ERC2: variants seen among roughly 807,000 people sequenced by gnomAD.
The protein encoded by ERC2 is ELKS/RAB6-interacting/CAST family member 2.
In ERC2, 42 loss-of-function variants were observed where a neutral mutation model predicts 114.8. That is an observed-to-expected ratio of 0.37 (90% CI 0.29 to 0.47). The LOEUF is 0.47. Among genes scored for constraint, ERC2 ranks in the 20% least tolerant of loss-of-function variants. ERC2 has a pLI of 0.99. For synonymous variants in ERC2, 454 were observed against 425.5 expected, an observed-to-expected ratio of 1.07 and a Z score of -0.82; for missense variants, 939 against 1,150.7, an observed-to-expected ratio of 0.82 and a Z score of 2.66.
chr3:56,456,733 T>C (rs1020678566), intron 1 of ERC2, among the ~76,000 whole-genome samples: 11 of 152,318 alleles, frequency 7.2e-5, no homozygotes, highest in Admixed American at 2.0e-4. Context: ...CAGTTTTCCA[T>C]TTTCCACTTA....
At chr3:56,132,439 G>A (rs73078470) in intron 6 of ERC2, among the ~76,000 whole-genome samples, 4,602 of 152,210 alleles carry the variant, frequency 0.03, 148 homozygotes, top group African/African-American at 0.077. Flanking sequence ...GCTGCCACGG[G>A]CTCAGAAAAC....
intron 17 of ERC2, among the ~76,000 whole-genome samples, chr3:55,604,359 T>G (rs974720112): frequency 1.4e-4 from 22 of 152,182 alleles, no homozygotes; most frequent in Admixed American, 7.9e-4. Context: ...TCTATATATA[T>G]AAATATCAAT....
At chr3:55,656,736 G>A (rs1428922923) in intron 17 of ERC2, among the ~76,000 whole-genome samples, 1 of 152,198 alleles carries the variant, frequency 6.6e-6, no homozygotes, top group South Asian at 2.1e-4. Flanking sequence ...GTTAGACTCC[G>A]AAGGCCAGCT....
chr3:56,092,608 T>C (rs937994982), intron 6 of ERC2, among the ~76,000 whole-genome samples: 6 of 152,204 alleles, frequency 3.9e-5, no homozygotes, highest in Admixed American at 6.5e-5. Flanking sequence ...TATAAAACTA[T>C]AGCTGTCATA....
intron 14 of ERC2, among the ~76,000 whole-genome samples, chr3:55,753,157 T>C (rs1329885154): frequency 6.6e-6 from 1 of 152,014 alleles, no homozygotes; most frequent in Non-Finnish European, 1.5e-5. Flanking sequence ...ACATGGTTGC[T>C]CCTGGATGGG....
chr3:56,348,948 GA>G (rs370441383), intron 2 of ERC2, among the ~76,000 whole-genome samples: 17 of 137,082 alleles, frequency 1.2e-4, no homozygotes, highest in African/African-American at 5.0e-4. Context: ...AGGAAGGAAG[GA>G]AGGAAGGAAA....
intron 14 of ERC2, among the ~76,000 whole-genome samples, chr3:55,746,779 C>T (rs1317038424): frequency 3.3e-5 from 5 of 152,144 alleles, no homozygotes; most frequent in Non-Finnish European, 5.9e-5. Context: ...AACAGATTCC[C>T]ATCTGTTTAT....
chr3:56,446,766 C>T lies in ERC2; in HGVS notation c.-140-11619G>A, dbSNP rs144830386. ...TCAGCCTCCCGAGTAGCTGGGATTA[C>T]AGGCGCGCATCACCACACCCGGCTA... On this transcript the variant is annotated intron_variant, in intron 1 of 17. Coordinates refer to ENST00000288221, the MANE Select transcript of ERC2 (RefSeq NM_015576.3). Among the ~76,000 whole-genome samples, 264 of 151,682 alleles carry T rather than the reference C, an allele frequency of 1.7e-3. 1 individual carries two copies. Among genetic ancestry groups the T allele is most frequent in the African/African-American group, 6.1e-3 (251 of 41,366 alleles).
intron 6 of ERC2, among the ~76,000 whole-genome samples, chr3:56,106,845 C>G (rs549442875): frequency 2.6e-5 from 4 of 152,048 alleles, no homozygotes; most frequent in Non-Finnish European, 5.9e-5. Flanking sequence ...TATGTGATTC[C>G]TTGGGATAAT....
intron 16 of ERC2, among the ~76,000 whole-genome samples, chr3:55,698,483 C>G (rs2063051504): frequency 6.6e-6 from 1 of 152,152 alleles, no homozygotes; most frequent in African/African-American, 2.4e-5. Flanking sequence ...AACAATTAAA[C>G]TGCCTCTTCA....
At chr3:56,222,893 TTCAGGCAATGCC>T (rs2050008833) in intron 3 of ERC2, among the ~76,000 whole-genome samples, 1 of 152,258 alleles carries the variant, frequency 6.6e-6, no homozygotes, top group Non-Finnish European at 1.5e-5. Context: ...CTGGCAGAGC[TTCAGGCAATGCC>T]TGTATCTTTC....
chr3:55,633,038 C>T (rs1414403152), intron 17 of ERC2, among the ~76,000 whole-genome samples: 1 of 152,182 alleles, frequency 6.6e-6, no homozygotes, highest in Non-Finnish European at 1.5e-5. Flanking sequence ...GCCTTATTGC[C>T]TATTATCTCC....
At chr3:55,582,923 ATTCTTGCCAGATAAGTGACTT>A (rs2057331387) in intron 17 of ERC2, among the ~76,000 whole-genome samples, 1 of 152,248 alleles carries the variant, frequency 6.6e-6, no homozygotes, top group Admixed American at 6.5e-5. Context: ...TAATGACACA[ATTCTTGCCAGATAAGTGACTT>A]TATGCAGGTT....
At chr3:56,201,896 C>G (rs1247387954) in intron 3 of ERC2, among the ~76,000 whole-genome samples, 1 of 152,160 alleles carries the variant, frequency 6.6e-6, no homozygotes, top group African/African-American at 2.4e-5. Flanking sequence ...CTTCTGGAAG[C>G]CTGTTTTCTG....
intron 17 of ERC2, among the ~76,000 whole-genome samples, chr3:55,576,988 A>G (rs1460627702): frequency 1.3e-5 from 2 of 152,196 alleles, no homozygotes; most frequent in African/African-American, 4.8e-5. Context: ...GTGATTAAAG[A>G]TCAAAAGACA....
chr3:56,165,920 T>C (rs2082303321), intron 4 of ERC2, among the ~76,000 whole-genome samples: 1 of 151,960 alleles, frequency 6.6e-6, no homozygotes, highest in Non-Finnish European at 1.5e-5. Context: ...AGGATGTCCA[T>C]AGCATTATCG....
At chr3:56,324,513 T>A (rs1353867953) in intron 2 of ERC2, among the ~76,000 whole-genome samples, 1 of 152,204 alleles carries the variant, frequency 6.6e-6, no homozygotes, top group Non-Finnish European at 1.5e-5. Flanking sequence ...GGGCAATGCA[T>A]ACTTGCACCA....
chr3:56,401,709 C>T (rs554721104), intron 2 of ERC2, among the ~76,000 whole-genome samples: 1 of 152,218 alleles, frequency 6.6e-6, no homozygotes, highest in African/African-American at 2.4e-5. Context: ...GAGCTTAGCC[C>T]AGGAGGGTTC....
intron 17 of ERC2, among the ~76,000 whole-genome samples, chr3:55,650,150 T>A (rs184652393): frequency 6.6e-6 from 1 of 152,350 alleles, no homozygotes; most frequent in East Asian, 1.9e-4. Flanking sequence ...GTTGACTACT[T>A]GGCATTTGAG....
Sources: allele counts gnomAD v4.1 joint callset (sites outside exome capture counted in the v4.1 genomes callset), GRCh38; gene constraint gnomAD v4.1.1; transcripts MANE v1.5; gene names NCBI Gene and HGNC (gene_info 2026-07-23, HGNC 2026-07-21).